The following NR5A2 variants were observed in gnomAD, a reference collection of about 807,000 sequenced individuals.
NR5A2 encodes the protein CYP7A promoter-binding factor.
A neutral mutation model predicts 62.7 loss-of-function variants in NR5A2; 26 were observed. The ratio of observed to expected loss-of-function variants is 0.41; its 90% CI spans 0.30 to 0.58. NR5A2 has a LOEUF of 0.58. NR5A2 is among the 20% of genes least tolerant of loss of function. NR5A2 has a pLI of 0.22. For missense variants in NR5A2, 541 were observed against 669.1 expected (o/e 0.81, Z 2.11); for synonymous variants, 246 against 241.7 (o/e 1.02, Z -0.16).
chr1:200,050,305 T>A (rs1160305951), intron 5 of NR5A2, among the ~76,000 whole-genome samples: 10 of 152,244 alleles, frequency 6.6e-5, no homozygotes, highest in African/African-American at 2.4e-4. Context: ...TAATTTTAGA[T>A]ACTGTCGAAA....
intron 5 of NR5A2, among the ~76,000 whole-genome samples, chr1:200,076,633 C>G (rs1664054195): frequency 6.6e-6 from 1 of 152,112 alleles, no homozygotes. Flanking sequence ...AAATACCTTA[C>G]TTGATTTGAG....
At chr1:200,125,178 A>C (rs534945070) in intron 7 of NR5A2, among the ~76,000 whole-genome samples, 47 of 152,318 alleles carry the variant, frequency 3.1e-4, no homozygotes, top group Admixed American at 1.4e-3. Flanking sequence ...ATTAGAAAGA[A>C]TATTACTGAC....
At chr1:200,090,278 C>G (rs1664755935) in intron 5 of NR5A2, among the ~76,000 whole-genome samples, 1 of 152,138 alleles carries the variant, frequency 6.6e-6, no homozygotes, top group South Asian at 2.1e-4. Flanking sequence ...GCAGTAGTTC[C>G]CACACCTTTT....
At position 200,158,337 on chromosome 1, in the gene NR5A2, G is replaced by A. The variant is rs745343804; in HGVS notation, c.1379-15626G>A. On this transcript the variant is annotated intron_variant, in intron 7 of 7. Transcript: ENST00000367362. ...TACCAGACCTGCCAAAGGTGTTGGC[G>A]GGAGTGAGATAAAGTAGATGCAAGG... Among the ~76,000 whole-genome samples, 106 of 152,082 alleles carry A rather than the reference G, an allele frequency of 7.0e-4. 1 individual carries two copies. The highest frequency in any genetic ancestry group is 4.4e-4 in the Non-Finnish European group (30 of 68,016).
intron 7 of NR5A2, chr1:200,148,278 ATGG>A: frequency 5.0e-6 from 1 of 200,250 alleles, no homozygotes; most frequent in Non-Finnish European, 1.1e-5. Flanking sequence ...GAGGGCAGCC[ATGG>A]CTCTCCTGTT....
At chr1:200,083,112 A>G (rs1426337054) in intron 5 of NR5A2, among the ~76,000 whole-genome samples, 2 of 152,192 alleles carry the variant, frequency 1.3e-5, no homozygotes, top group South Asian at 2.1e-4. Flanking sequence ...AAGCAAGACA[A>G]TGGGTTACAG....
chr1:200,152,098 T>C (rs1653156478), intron 7 of NR5A2, among the ~76,000 whole-genome samples: 1 of 152,328 alleles, frequency 6.6e-6, no homozygotes, highest in African/African-American at 2.4e-5. Flanking sequence ...GCATGTAAAT[T>C]GAGACTGCTG....
chr1:200,150,001 A>G (rs894268029), intron 7 of NR5A2, among the ~76,000 whole-genome samples: 2 of 152,210 alleles, frequency 1.3e-5, no homozygotes, highest in African/African-American at 2.4e-5. Context: ...TGTAAAGCGT[A>G]TAACTCCAAA....
intron 1 of NR5A2, among the ~76,000 whole-genome samples, chr1:200,028,869 G>A (rs1053877528): frequency 1.3e-5 from 2 of 152,104 alleles, no homozygotes; most frequent in Non-Finnish European, 2.9e-5. Flanking sequence ...CTAGTCAGCT[G>A]ACTCCACAGA....
chr1:200,069,488 A>T (rs2102212549), intron 5 of NR5A2, among the ~76,000 whole-genome samples: 1 of 152,188 alleles, frequency 6.6e-6, no homozygotes, highest in African/African-American at 2.4e-5. Flanking sequence ...CTCAAACCTC[A>T]AATGATCCAC....
intron 7 of NR5A2, among the ~76,000 whole-genome samples, chr1:200,145,629 G>C (rs1387727016): frequency 6.6e-6 from 1 of 152,098 alleles, no homozygotes; most frequent in African/African-American, 2.4e-5. Context: ...TTGCAGGTTT[G>C]TTTGATTATT....
chr1:200,040,089 GAAT>G (rs1661995726), intron 2 of NR5A2, among the ~76,000 whole-genome samples: 1 of 152,212 alleles, frequency 6.6e-6, no homozygotes, highest in Admixed American at 6.5e-5. Context: ...AGGTACTTTA[GAAT>G]AATAAGATCA....
intron 5 of NR5A2, among the ~76,000 whole-genome samples, chr1:200,051,058 T>A (rs1019046709): frequency 6.6e-5 from 10 of 152,224 alleles, no homozygotes; most frequent in Non-Finnish European, 1.5e-4. Context: ...GATTTTGTTA[T>A]AATTAACAGT....
intron 7 of NR5A2, among the ~76,000 whole-genome samples, chr1:200,160,002 C>T (rs560782693): frequency 1.8e-4 from 28 of 152,132 alleles, no homozygotes; most frequent in Non-Finnish European, 3.2e-4. Flanking sequence ...TTCATGTAAA[C>T]TTATTTTCCC....
chr1:200,155,375 T>C (rs1164030470), intron 7 of NR5A2, among the ~76,000 whole-genome samples: 1 of 152,238 alleles, frequency 6.6e-6, no homozygotes, highest in East Asian at 1.9e-4. Flanking sequence ...TCTATAATTA[T>C]ATAAATTATA....
intron 6 of NR5A2, among the ~76,000 whole-genome samples, chr1:200,116,651 C>T (rs765932611): frequency 2.6e-5 from 4 of 152,074 alleles, no homozygotes; most frequent in Admixed American, 6.6e-5. Context: ...GTTTTAATTG[C>T]GTCTTTGAAT....
chr1:200,088,239 T>C (rs1445458650), intron 5 of NR5A2, among the ~76,000 whole-genome samples: 1 of 151,076 alleles, frequency 6.6e-6, no homozygotes, highest in African/African-American at 2.4e-5. Context: ...TTTTTGTTTT[T>C]GTTTTTTTAT....
At chr1:200,154,931 T>G (rs1653309371) in intron 7 of NR5A2, among the ~76,000 whole-genome samples, 1 of 152,140 alleles carries the variant, frequency 6.6e-6, no homozygotes, top group African/African-American at 2.4e-5. Flanking sequence ...CCCAACAAGG[T>G]TTCTACGCAT....
At chr1:200,031,822 C>T (rs1661562608) in intron 1 of NR5A2, among the ~76,000 whole-genome samples, 1 of 152,108 alleles carries the variant, frequency 6.6e-6, no homozygotes, top group Non-Finnish European at 1.5e-5. Flanking sequence ...TCAGGTGATC[C>T]ACCCACCTCA....
Sources: allele counts gnomAD v4.1 joint callset (sites outside exome capture counted in the v4.1 genomes callset), GRCh38; gene constraint gnomAD v4.1.1; transcripts MANE v1.5; gene names NCBI Gene and HGNC (gene_info 2026-07-23, HGNC 2026-07-21).